The following ZNF236 variants were observed in gnomAD, a reference collection of about 807,000 sequenced individuals.
ZNF236 encodes regulated by glucose.
Under a neutral mutation model 191.2 loss-of-function variants are expected in ZNF236, and 50 were observed. The ratio of observed to expected loss-of-function variants is 0.26; its 90% CI spans 0.21 to 0.33. ZNF236 has a LOEUF of 0.33. Among genes scored for constraint, ZNF236 ranks in the 10% least tolerant of loss-of-function variants. The pLI is 1.00. For synonymous variants in ZNF236, 907 were observed against 928.8 expected, an observed-to-expected ratio of 0.98 and a Z score of 0.43; for missense variants, 1,754 against 2,374.5, an observed-to-expected ratio of 0.74 and a Z score of 5.43.
chr18:76,962,740 T>G (rs1000926526), intron 30 of ZNF236, among the ~76,000 whole-genome samples: 2 of 152,192 alleles, frequency 1.3e-5, no homozygotes, highest in Non-Finnish European at 2.9e-5. Context: ...CTTTCAGCAG[T>G]GTTTTGTAGT....
chr18:76,874,603 A>T (rs976068965), intron 5 of ZNF236, among the ~76,000 whole-genome samples: 12 of 151,992 alleles, frequency 7.9e-5, no homozygotes, highest in Non-Finnish European at 1.5e-4. Flanking sequence ...CAAGCAGAGA[A>T]GGGGGCTAGG....
intron 1 of ZNF236, among the ~76,000 whole-genome samples, chr18:76,839,117 C>G (rs1294724784): frequency 6.6e-6 from 1 of 152,190 alleles, no homozygotes; most frequent in Admixed American, 6.5e-5. Flanking sequence ...AACATATTTG[C>G]CCCTTCTGTT....
intron 3 of ZNF236, among the ~76,000 whole-genome samples, chr18:76,866,540 C>T (rs748323794): frequency 1.3e-5 from 2 of 152,206 alleles, no homozygotes; most frequent in Non-Finnish European, 1.5e-5. Flanking sequence ...TTGATGCAGT[C>T]AGTACCTAGC....
intron 3 of ZNF236, among the ~76,000 whole-genome samples, chr18:76,868,353 T>G (rs1417784686): frequency 6.6e-6 from 1 of 152,218 alleles, no homozygotes; most frequent in East Asian, 1.9e-4. Flanking sequence ...TACTTCTCTC[T>G]AAAGCGCTCA....
At chr18:76,957,148 T>TGG (rs150297762) in intron 28 of ZNF236, among the ~76,000 whole-genome samples, 1 of 151,040 alleles carries the variant, frequency 6.6e-6, no homozygotes, top group African/African-American at 2.4e-5. Context: ...CTGTGTATGT[T>TGG]GGGGGGGTGG....
At chr18:76,859,278 G>A (rs974502884) in intron 3 of ZNF236, among the ~76,000 whole-genome samples, 1 of 151,724 alleles carries the variant, frequency 6.6e-6, no homozygotes, top group African/African-American at 2.4e-5. Flanking sequence ...GAGGAAGGGG[G>A]AGAGGACTCA....
At chr18:76,891,252 ATATT>A (rs1977224159) in intron 9 of ZNF236, among the ~76,000 whole-genome samples, 1 of 152,160 alleles carries the variant, frequency 6.6e-6, no homozygotes, top group East Asian at 1.9e-4. Context: ...AACTGGGGAA[ATATT>A]TATTTATATG....
At chr18:76,829,591 T>C (rs1342366382) in intron 1 of ZNF236, among the ~76,000 whole-genome samples, 1 of 152,230 alleles carries the variant, frequency 6.6e-6, no homozygotes, top group Admixed American at 6.5e-5. Context: ...CCTCCCAAAG[T>C]GTTGGGATTA....
At chr18:76,933,369 C>T (rs1271556759) in intron 25 of ZNF236, among the ~76,000 whole-genome samples, 1 of 151,818 alleles carries the variant, frequency 6.6e-6, no homozygotes, top group African/African-American at 2.4e-5. Flanking sequence ...ACTCGGGAGG[C>T]TGAGGCAGGA....
At chr18:76,877,644 A>G (rs1174554119) in intron 6 of ZNF236, among the ~76,000 whole-genome samples, 1 of 152,212 alleles carries the variant, frequency 6.6e-6, no homozygotes, top group Non-Finnish European at 1.5e-5. Context: ...GTATTTATAT[A>G]TAACTGTCTG....
chr18:76,931,877 TC>T (rs1477634752), intron 25 of ZNF236, among the ~76,000 whole-genome samples: 1 of 152,154 alleles, frequency 6.6e-6, no homozygotes, highest in African/African-American at 2.4e-5. Flanking sequence ...ACTATGTATA[TC>T]ACTTTGTGAG....
At chr18:76,912,202 A>T (rs1967233977) in intron 16 of ZNF236, 42 bp from the exon 17 acceptor site, 1 of 1,439,726 alleles carries the variant, frequency 6.9e-7, no homozygotes, top group Non-Finnish European at 9.7e-7. Context: ...GTTTATTCAC[A>T]GATATTCAAG....
At position 76,861,983 on chromosome 18, in the gene ZNF236, C is replaced by T. The variant is rs544792399; in HGVS notation, c.364-6702C>T. On this transcript the variant is annotated intron_variant, in intron 3 of 30. Transcript: ENST00000320610. Reference sequence around the variant, plus strand: ...GGTTCAAGCCATTCTCCTGCCTCAGCCTCCCGAGTAGCTGGGACGACAGGC... The same window carrying T: ...GGTTCAAGCCATTCTCCTGCCTCAGTCTCCCGAGTAGCTGGGACGACAGGC... Among the ~76,000 whole-genome samples the T allele has an allele frequency of 7.2e-5, 11 of 152,328 alleles. 1 individual carries two copies. Among genetic ancestry groups the T allele is most frequent in the African/African-American group, 2.6e-4 (11 of 41,578 alleles).
intron 30 of ZNF236, among the ~76,000 whole-genome samples, chr18:76,966,905 A>T (rs1968789310): frequency 6.6e-6 from 1 of 152,202 alleles, no homozygotes; most frequent in African/African-American, 2.4e-5. Flanking sequence ...GAAATGTTAA[A>T]GTCTGAGTAG....
intron 1 of ZNF236, among the ~76,000 whole-genome samples, chr18:76,832,551 C>A (rs1461642097): frequency 6.7e-6 from 1 of 149,670 alleles, no homozygotes; most frequent in African/African-American, 2.5e-5. Flanking sequence ...AAGAATTGTT[C>A]TGTACTTACT....
In ZNF236 at chr18:76,955,868, TGG is replaced by T. The variant is rs1183420378; in HGVS notation, c.4915-115_4915-114del. ...TATCCTGATGATAGGACATGCAGTG[TGG>T]GCTTGGCGTGTCCGTGCTAGGAATG... On this transcript the variant is annotated intron_variant, in intron 27 of 30. Transcript: ENST00000320610. 16 of 1,134,284 alleles carry T rather than the reference TGG, an allele frequency of 1.4e-5. No individual in the cohort carries two copies. In the East Asian group the frequency reaches 1.8e-4, roughly 13 times the overall value. 70.3% of individuals were successfully genotyped at this position (1,134,284 alleles called of 1,614,324 possible).
At chr18:76,906,393 G>A (rs755746154) in intron 13 of ZNF236, among the ~76,000 whole-genome samples, 1 of 152,126 alleles carries the variant, frequency 6.6e-6, no homozygotes, top group Non-Finnish European at 1.5e-5. Context: ...GGAATCCTGT[G>A]CAGGGCACTG....
At position 76,913,706 on chromosome 18, in the gene ZNF236, A is replaced by G. The variant is rs774805806; in HGVS notation, c.2910-41A>G. The G allele has an allele frequency of 2.0e-5, 32 of 1,595,140 alleles. No homozygotes were observed. The East Asian group carries it at 3.4e-4, about 17-fold the overall frequency. Reference sequence around the variant, plus strand: ...CAGGTGCTGTATTTGTAATTGTGCTATGAATTAACGTGGTCTGAGTTCTGT... The same window carrying G: ...CAGGTGCTGTATTTGTAATTGTGCTGTGAATTAACGTGGTCTGAGTTCTGT... On this transcript the variant is annotated intron_variant, in intron 17 of 30. Transcript: ENST00000320610.
At chr18:76,923,685 G>A (rs1373374280) in intron 21 of ZNF236, among the ~76,000 whole-genome samples, 2 of 152,110 alleles carry the variant, frequency 1.3e-5, no homozygotes, top group Non-Finnish European at 2.9e-5. Context: ...TGGGGAGGCT[G>A]CCTCTGCCTC....
Sources: allele counts gnomAD v4.1 joint callset (sites outside exome capture counted in the v4.1 genomes callset), GRCh38; gene constraint gnomAD v4.1.1; transcripts MANE v1.5; gene names NCBI Gene and HGNC (gene_info 2026-07-23, HGNC 2026-07-21).